The following NR1D2 variants were observed in gnomAD, a reference collection of about 807,000 sequenced individuals.
NR1D2 encodes the protein nuclear receptor subfamily 1 group D member 2, also known as V-erbA-related protein 1-related.
Under a neutral mutation model 52.2 loss-of-function variants are expected in NR1D2, and 25 were observed. The observed-to-expected ratio is 0.48, with a 90% CI of 0.35 to 0.67. NR1D2 has a LOEUF of 0.67. NR1D2 is among the 30% of genes least tolerant of loss of function. NR1D2 has a pLI of 0.01. For missense variants in NR1D2, 681 were observed against 707.2 expected (o/e 0.96, Z 0.42); for synonymous variants, 259 against 230.1 (o/e 1.13, Z -1.14).
chr3:23,972,570 G>A (rs1177341434), intron 7 of NR1D2, among the ~76,000 whole-genome samples: 1 of 147,962 alleles, frequency 6.8e-6, no homozygotes, highest in East Asian at 1.9e-4. Flanking sequence ...ACAGACTTCA[G>A]TTGTCTTCAT....
chr3:23,966,136 T>G (rs1044851482), intron 6 of NR1D2, among the ~76,000 whole-genome samples: 2 of 152,200 alleles, frequency 1.3e-5, no homozygotes, highest in Non-Finnish European at 2.9e-5. Context: ...GTGAGATGCC[T>G]TGGGACCTAA....
chr3:23,949,577 C>T (rs1022984649), intron 1 of NR1D2, among the ~76,000 whole-genome samples: 7 of 152,264 alleles, frequency 4.6e-5, no homozygotes, highest in African/African-American at 1.7e-4. Flanking sequence ...TAGGTGTTTC[C>T]CCAGTTGGCC....
chr3:23,971,010 A>G (rs540291176), intron 7 of NR1D2, among the ~76,000 whole-genome samples: 2 of 152,070 alleles, frequency 1.3e-5, no homozygotes, highest in African/African-American at 2.4e-5. Flanking sequence ...CGAACTCCCA[A>G]CCTCAGGTGA....
chr3:23,959,547 A>G, intron 3 of NR1D2, 124 bp from the exon 4 acceptor site: 6 of 815,010 alleles, frequency 7.4e-6, no homozygotes, highest in Non-Finnish European at 1.2e-5. Flanking sequence ...AGTGTTTCCC[A>G]GATAGTGAGT....
At chr3:23,966,757 C>G (rs1043730643) in intron 6 of NR1D2, among the ~76,000 whole-genome samples, 2 of 152,180 alleles carry the variant, frequency 1.3e-5, no homozygotes, top group African/African-American at 4.8e-5. Flanking sequence ...GGACCGGGTG[C>G]AGTGGCTCAT....
At position 23,962,193 on chromosome 3, in the gene NR1D2, C is replaced by G. The variant is rs763870401; in HGVS notation, c.734C>G (p.Ser245Cys). ...AACATCAAAAGCTCTTCTCCTCCAT[C>G]TTCTGATTTTGCAAAGGAAGAAGTG... ...QENIKSSSPP[S>C]SDFAKEEVIG... The change falls in exon 5 of 8, where the codon TCT becomes TGT. Residue 245 changes from serine (S) to cysteine (C), a missense_variant. This residue lies in a region of NR1D2 where 475 missense variants were observed against 454.5 expected (regional missense o/e 1.05). Coordinates refer to ENST00000312521, the MANE Select transcript of NR1D2 (RefSeq NM_005126.5). The G allele has an allele frequency of 3.7e-6, 6 of 1,614,212 alleles. No homozygotes were observed. The South Asian group carries it at 5.5e-5, about 15-fold the overall frequency.
chr3:23,969,644 G>A (rs1020486678), intron 7 of NR1D2, among the ~76,000 whole-genome samples: 21 of 152,286 alleles, frequency 1.4e-4, no homozygotes, highest in East Asian at 5.8e-4. Context: ...TGAATATGCC[G>A]TACCTATTAG....
At chr3:23,964,121 C>T (rs531808170) in intron 5 of NR1D2, among the ~76,000 whole-genome samples, 1 of 151,814 alleles carries the variant, frequency 6.6e-6, no homozygotes, top group South Asian at 2.1e-4. Context: ...CTCTGTCACC[C>T]AGGCTGGAGT....
At chr3:23,964,072 A>C (rs971034058) in intron 5 of NR1D2, among the ~76,000 whole-genome samples, 6 of 149,004 alleles carry the variant, frequency 4.0e-5, no homozygotes, top group East Asian at 3.9e-4. Flanking sequence ...ATGGGCAGTG[A>C]CTTTTTTTTC....
chr3:23,974,387 C>T (rs534391445), intron 7 of NR1D2, among the ~76,000 whole-genome samples: 8 of 152,162 alleles, frequency 5.3e-5, no homozygotes, highest in South Asian at 2.1e-4. Context: ...AAAGCTGCAA[C>T]GTCACTGGGC....
At chr3:23,966,021 G>A (rs1706440956) in intron 6 of NR1D2, among the ~76,000 whole-genome samples, 1 of 152,114 alleles carries the variant, frequency 6.6e-6, no homozygotes, top group Admixed American at 6.5e-5. Context: ...GCTTGGGCTT[G>A]GGGTAGTCTC....
At chr3:23,969,471 A>G (rs1048914526) in intron 7 of NR1D2, among the ~76,000 whole-genome samples, 2 of 152,320 alleles carry the variant, frequency 1.3e-5, no homozygotes, top group South Asian at 2.1e-4. Context: ...GAATATGTCA[A>G]TAAGGGATAT....
At chr3:23,958,642 TAAAA>T (rs35959367) in intron 3 of NR1D2, among the ~76,000 whole-genome samples, 6 of 98,092 alleles carry the variant, frequency 6.1e-5, no homozygotes, top group Non-Finnish European at 7.9e-5. Context: ...CCTGTCTCTT[TAAAA>T]AAAAAAAAAA....
rs150181107 is a variant in NR1D2 at position 23,962,208 on chromosome 3, A to T, written c.749A>T (p.Lys250Met). The part of the protein sequence containing the change: ...SSSPPSSDFA[K>M]EEVIGMVTRA... ...TCTCCTCCATCTTCTGATTTTGCAA[A>T]GGAAGAAGTGATTGGCATGGTGACC... Residue 250 changes from lysine (K) to methionine (M), a missense_variant, in exon 5 of 8, where the codon AAG (lysine) becomes ATG (methionine). By Grantham distance (95) the Lys-to-Met change is moderately conservative (BLOSUM62 -1). Coordinates refer to ENST00000312521, the MANE Select transcript of NR1D2 (RefSeq NM_005126.5). The T allele has an allele frequency of 6.2e-7, 1 of 1,614,100 alleles. No homozygotes were observed. The highest frequency in any genetic ancestry group is 8.5e-7 in the Non-Finnish European group (1 of 1,180,056).
chr3:23,952,583 A>G (rs1167861444), intron 1 of NR1D2, among the ~76,000 whole-genome samples: 1 of 151,810 alleles, frequency 6.6e-6, no homozygotes, highest in African/African-American at 2.4e-5. Context: ...AAAATTAACC[A>G]GGCGTGGTGG....
At chr3:23,945,811 C>G (rs1705663623) in intron 1 of NR1D2, among the ~76,000 whole-genome samples, 1 of 150,516 alleles carries the variant, frequency 6.6e-6, no homozygotes, top group African/African-American at 2.4e-5. Context: ...CGCGGCCTGC[C>G]GGCGCCCGGC....
chr3:23,953,947 A>G (rs769240768), intron 1 of NR1D2, among the ~76,000 whole-genome samples: 35 of 152,202 alleles, frequency 2.3e-4, no homozygotes, highest in Admixed American at 3.9e-4. Flanking sequence ...GAAAAGCTTT[A>G]GGTGTGAGGA....
chr3:23,948,340 A>C (rs1328272139), intron 1 of NR1D2, among the ~76,000 whole-genome samples: 1 of 152,120 alleles, frequency 6.6e-6, no homozygotes, highest in Non-Finnish European at 1.5e-5. Flanking sequence ...AAAGACTTGG[A>C]AAAAAATTGG....
At chr3:23,974,713 T>A (rs1706679098) in intron 7 of NR1D2, among the ~76,000 whole-genome samples, 1 of 152,190 alleles carries the variant, frequency 6.6e-6, no homozygotes, top group Non-Finnish European at 1.5e-5. Flanking sequence ...TTTATGAAGA[T>A]AATTTATGAT....
Sources: gnomAD v4.1 joint callset for allele counts (sites outside exome capture counted in the v4.1 genomes callset) on GRCh38, gnomAD v4.1.1 for gene constraint, gnomAD v4.1.1 regional missense constraint, MANE v1.5 for transcripts, NCBI Gene and HGNC (gene_info 2026-07-23, HGNC 2026-07-21) for gene names.